The following SDK2 variants were observed in gnomAD, a reference collection of about 807,000 sequenced individuals.
SDK2 encodes the protein sidekick cell adhesion molecule 2.
SDK2 carries 105 observed loss-of-function variants against 253.9 expected under a neutral mutation model. That is an observed-to-expected ratio of 0.41 (90% CI 0.35 to 0.49). The LOEUF (loss-of-function observed/expected upper bound fraction) is 0.49, where lower values mean the gene tolerates loss of function less well. SDK2 is among the 20% of genes least tolerant of loss of function. The probability of loss-of-function intolerance (pLI) is 0.06; values close to 1 mark genes in which losing one functional copy is unlikely to be tolerated. For synonymous variants in SDK2, 1,249 were observed against 1,234.9 expected, an observed-to-expected ratio of 1.01 and a Z score of -0.24; for missense variants, 2,608 against 3,003.0, an observed-to-expected ratio of 0.87 and a Z score of 3.07.
chr17:73,545,578 C>CCA (rs1912748215), intron 1 of SDK2, among the ~76,000 whole-genome samples: 1 of 152,158 alleles, frequency 6.6e-6, no homozygotes, highest in African/African-American at 2.4e-5. Flanking sequence ...AGTCCCCATC[C>CCA]CCACCCACCA....
chr17:73,615,037 G>A (rs1703553308), intron 1 of SDK2, among the ~76,000 whole-genome samples: 1 of 150,324 alleles, frequency 6.7e-6, no homozygotes, highest in Non-Finnish European at 1.5e-5. Flanking sequence ...TGTTTGAATC[G>A]TGCCTGACAC....
chr17:73,434,749 G>T (rs574354880), intron 9 of SDK2, among the ~76,000 whole-genome samples: 1 of 152,282 alleles, frequency 6.6e-6, no homozygotes, highest in South Asian at 2.1e-4. Flanking sequence ...TCTCACTTCA[G>T]CATCCCTAGT....
chr17:73,643,983 T>TTC lies in SDK2; in HGVS notation c.64+41_64+42insGA. On this transcript the variant is annotated intron_variant, in intron 1 of 44. Transcript: ENST00000392650. This position sits in a 1 kb window ranked among gnomAD's most constrained non-coding sequence, Gnocchi z 6.9. ...CCCGCCGCCCCTCCCCCGCCCACTC[T>TTC]CCCAGCCCCCTCCCTGTCCCCACGT... The TTC allele has an allele frequency of 1.9e-6, 1 of 530,768 alleles. No homozygotes were observed. Among genetic ancestry groups the TTC allele is most frequent in the South Asian group, 1.6e-5 (1 of 60,856 alleles). The allele number at this position is 530,768 out of a possible 1,614,324, so 32.9% of individuals were successfully genotyped here.
At position 73,386,459 on chromosome 17, in the gene SDK2, G is replaced by A. The variant is rs1302584410; in HGVS notation, c.4484C>T (p.Thr1495Ile). The part of the protein sequence containing the change: ...SEFSEESESL[T>I]TLQAAPDEAP... ...GGGGTACTGACCAGCCTGCAGGGTG[G>A]TCAGTGACTCCGACTCCTCGCTGAA... The change falls in exon 31 of 45, where the codon ACC becomes ATC. Residue 1495 changes from threonine (T) to isoleucine (I), a missense_variant. Around this residue, in one of 2 missense-constraint regions of SDK2, gnomAD observed 1,103 missense variants for 1,143.9 expected, o/e 0.96. Coordinates refer to ENST00000392650, the MANE Select transcript of SDK2 (RefSeq NM_001144952.2). 8 of 1,557,000 alleles carry A rather than the reference G, an allele frequency of 5.1e-6. No homozygotes were observed. Among genetic ancestry groups the A allele is most frequent in the Non-Finnish European group, 6.1e-6 (7 of 1,149,874 alleles).
chr17:73,502,670 G>A (rs767350137), intron 2 of SDK2, among the ~76,000 whole-genome samples: 1 of 151,848 alleles, frequency 6.6e-6, no homozygotes, highest in Non-Finnish European at 1.5e-5. Flanking sequence ...ACAAAAGAAT[G>A]CCACCTAAGT....
At chr17:73,364,907 G>A (rs1038642626) in intron 38 of SDK2, among the ~76,000 whole-genome samples, 2 of 152,150 alleles carry the variant, frequency 1.3e-5, no homozygotes, top group Non-Finnish European at 2.9e-5. Context: ...ACAGGCGTGA[G>A]CCACCGTCCT....
In SDK2 at chr17:73,449,317, A is replaced by G. The variant is rs74542548; in HGVS notation, c.480-1569T>C. ...GATGGGCCTGAGACAGCTGTTAAACATCCTTAATGTTAGTTTAACAAGGAC... is the reference window on the plus strand; with the variant it reads ...GATGGGCCTGAGACAGCTGTTAAACGTCCTTAATGTTAGTTTAACAAGGAC... On this transcript the variant is annotated intron_variant, in intron 4 of 44. Transcript: ENST00000392650. 8.8e-3 allele frequency among the ~76,000 whole-genome samples: 1,348 copies of G among 152,336 alleles called. 20 individuals are homozygous for G. The highest frequency in any genetic ancestry group is 0.03 in the African/African-American group (1,259 of 41,580).
At chr17:73,638,160 C>G (rs8076108) in intron 1 of SDK2, among the ~76,000 whole-genome samples, 59,205 of 152,036 alleles carry the variant, frequency 0.39, 12,287 homozygotes, top group African/African-American at 0.54. Context: ...AGAGGCCTGG[C>G]AGGAAGCTGG....
chr17:73,489,688 C>G (rs2063792504), intron 2 of SDK2, among the ~76,000 whole-genome samples: 1 of 152,214 alleles, frequency 6.6e-6, no homozygotes, highest in Non-Finnish European at 1.5e-5. Context: ...AGAGGCCGCC[C>G]TGGTGTGCCT....
intron 1 of SDK2, among the ~76,000 whole-genome samples, chr17:73,633,626 C>T (rs1406738388): frequency 4.6e-5 from 7 of 152,184 alleles, no homozygotes; most frequent in Non-Finnish European, 8.8e-5. Context: ...GAGTTAAGTG[C>T]ATTAATTCAA....
intron 1 of SDK2, among the ~76,000 whole-genome samples, chr17:73,568,224 C>G (rs148405579): frequency 3.9e-5 from 6 of 152,174 alleles, no homozygotes; most frequent in Non-Finnish European, 8.8e-5. Flanking sequence ...AGGAGGCTGG[C>G]ACCTTCTCCC....
In SDK2 at chr17:73,431,510, A is replaced by T; in HGVS notation, c.1472T>A (p.Val491Asp). 6.2e-7 allele frequency: 1 copy of T among 1,610,976 alleles called. No individual in the cohort carries two copies. Among genetic ancestry groups the T allele is most frequent in the Non-Finnish European group, 8.5e-7 (1 of 1,178,958 alleles). Residue 491 changes from valine (V) to aspartate (D), a missense_variant, in exon 11 of 45, where the codon GTC becomes GAC. Physicochemically the swap from Val to Asp is radical, Grantham distance 152. Coordinates refer to ENST00000392650, the MANE Select transcript of SDK2 (RefSeq NM_001144952.2). The surrounding 1 kb of genome is among the most constrained non-coding windows in gnomAD (Gnocchi z 5.6). ...TGGCTCTGCACACTCACCCCAAACG[A>T]CTAGGTCTGCTGAGGCCTCATCGAC... ...RGVDEASADL[V>D]VWARTRITKP... is the part of the protein sequence containing the mutation.
At chr17:73,637,285 G>A (rs1376834433) in intron 1 of SDK2, among the ~76,000 whole-genome samples, 3 of 152,156 alleles carry the variant, frequency 2.0e-5, no homozygotes, top group Non-Finnish European at 4.4e-5. Context: ...TCCAGCACAC[G>A]AAAGCCTGCA....
chr17:73,343,553 G>T (rs1441912896), intron 44 of SDK2, among the ~76,000 whole-genome samples: 1 of 152,214 alleles, frequency 6.6e-6, no homozygotes, highest in Non-Finnish European at 1.5e-5. Context: ...GGGCTGTCCT[G>T]CCAGGCCGCC....
intron 3 of SDK2, among the ~76,000 whole-genome samples, chr17:73,464,217 A>C (rs1162872137): frequency 6.6e-6 from 1 of 152,162 alleles, no homozygotes; most frequent in East Asian, 1.9e-4. Context: ...GAATTGTAAT[A>C]ATCCCCATGT....
intron 15 of SDK2, 104 bp downstream of exon 15, chr17:73,422,183 G>A (rs1055085845): frequency 7.7e-7 from 1 of 1,301,992 alleles, no homozygotes; most frequent in African/African-American, 1.5e-5. Flanking sequence ...GAAGCCTAGA[G>A]GGGGCCAGGA....
intron 1 of SDK2, among the ~76,000 whole-genome samples, chr17:73,601,488 C>A (rs563781347): frequency 1.3e-5 from 2 of 152,250 alleles, no homozygotes; most frequent in South Asian, 4.2e-4. Flanking sequence ...AATATGCTGT[C>A]CTGTGAAGAG....
intron 1 of SDK2, among the ~76,000 whole-genome samples, chr17:73,535,070 A>G (rs1599657113): frequency 6.6e-6 from 1 of 152,170 alleles, no homozygotes; most frequent in Non-Finnish European, 1.5e-5. Flanking sequence ...TGCCCATCTC[A>G]TAGTGACATC....
chr17:73,454,288 C>A (rs749507763), intron 4 of SDK2, among the ~76,000 whole-genome samples: 2 of 152,240 alleles, frequency 1.3e-5, no homozygotes, highest in East Asian at 1.9e-4. Flanking sequence ...AGGGCTTGTT[C>A]CCCACAAACA....
Sources: gnomAD v4.1 joint callset for allele counts (sites outside exome capture counted in the v4.1 genomes callset) on GRCh38, gnomAD v4.1.1 for gene constraint, gnomAD v4.1.1 regional missense constraint, Gnocchi (gnomAD v3.1) non-coding constraint, MANE v1.5 for transcripts, NCBI Gene and HGNC (gene_info 2026-07-23, HGNC 2026-07-21) for gene names.